LRRC37A2: variants seen among roughly 807,000 people sequenced by gnomAD.
The protein encoded by LRRC37A2 is leucine rich repeat containing 37 member A2.
A neutral mutation model predicts 68.8 loss-of-function variants in LRRC37A2; 9 were observed. That is an observed-to-expected ratio of 0.13 (90% confidence interval 0.08 to 0.23). LRRC37A2 has a LOEUF of 0.23. LRRC37A2 is among the 10% of genes least tolerant of loss of function. LRRC37A2 has a pLI of 1.00. For missense variants in LRRC37A2, 168 were observed against 950.4 expected (o/e 0.18, Z 10.82); for synonymous variants, 63 against 367.6 (o/e 0.17, Z 9.48).
the LRRC37A2 span, among the ~76,000 whole-genome samples, chr17:46,820,670 C>A: frequency 6.6e-6 from 1 of 152,130 alleles, no homozygotes; most frequent in African/African-American, 2.4e-5. Context: ...GAATGCAGAG[C>A]CTCAGGACCA....
chr17:46,877,599 G>C, the LRRC37A2 span, among the ~76,000 whole-genome samples: 3 of 152,136 alleles, frequency 2.0e-5, no homozygotes, highest in Non-Finnish European at 4.4e-5. Flanking sequence ...CAGCGCAGAG[G>C]AGGAGGGCAA....
chr17:46,871,732 T>A, the LRRC37A2 span, among the ~76,000 whole-genome samples: 1 of 152,160 alleles, frequency 6.6e-6, no homozygotes, highest in Non-Finnish European at 1.5e-5. Context: ...GGCTCCAGAA[T>A]CGATGAACTT....
the LRRC37A2 span, among the ~76,000 whole-genome samples, chr17:46,746,644 A>G: frequency 6.6e-6 from 1 of 152,144 alleles, no homozygotes; most frequent in Non-Finnish European, 1.5e-5. Flanking sequence ...TCATTTTCCA[A>G]GTAAACTTTT....
At chr17:46,891,323 C>T in the LRRC37A2 span, among the ~76,000 whole-genome samples, 5,287 of 152,312 alleles carry the variant, frequency 0.035, 108 homozygotes, top group Middle Eastern at 0.065. Flanking sequence ...TATCATCCCT[C>T]TTTTGCAGAT....
At chr17:46,475,740 C>T in the LRRC37A2 span, among the ~76,000 whole-genome samples, 67 of 80,952 alleles carry the variant, frequency 8.3e-4, 5 homozygotes, top group East Asian at 8.3e-3. Flanking sequence ...CGTTTCAGAT[C>T]CTACATCACT....
At chr17:47,009,840 G>A in the LRRC37A2 span, among the ~76,000 whole-genome samples, 1 of 152,228 alleles carries the variant, frequency 6.6e-6, no homozygotes, top group Non-Finnish European at 1.5e-5. Flanking sequence ...GCGCTGTTTC[G>A]GAGGGAAGAG....
the LRRC37A2 span, among the ~76,000 whole-genome samples, chr17:46,657,689 C>T: frequency 9.0e-6 from 1 of 111,058 alleles, no homozygotes; most frequent in Non-Finnish European, 1.9e-5. Flanking sequence ...CCTCATAGCC[C>T]TTTTTAAATG....
At chr17:46,794,422 G>T in the LRRC37A2 span, among the ~76,000 whole-genome samples, 5 of 152,126 alleles carry the variant, frequency 3.3e-5, no homozygotes, top group Admixed American at 2.6e-4. Flanking sequence ...GAGCTAGAAG[G>T]AGCCTTGGGG....
chr17:46,534,515 T>C (rs1205060189), intron 6 of LRRC37A2, among the ~76,000 whole-genome samples: 1 of 147,794 alleles, frequency 6.8e-6, no homozygotes, highest in Non-Finnish European at 1.5e-5. Context: ...GGGTTGGGGG[T>C]AAGGTCATAG....
the LRRC37A2 span, chr17:47,021,906 G>A: frequency 6.6e-7 from 1 of 1,522,248 alleles, no homozygotes; most frequent in Non-Finnish European, 9.1e-7. Context: ...AAAGTGTACA[G>A]TTGGACCGAG....
the LRRC37A2 span, among the ~76,000 whole-genome samples, chr17:46,893,669 A>G: frequency 6.6e-6 from 1 of 152,146 alleles, no homozygotes; most frequent in African/African-American, 2.4e-5. Flanking sequence ...GGGAGATGTA[A>G]GAACAGCCAT....
At chr17:46,909,097 G>A in the LRRC37A2 span, among the ~76,000 whole-genome samples, 1 of 152,314 alleles carries the variant, frequency 6.6e-6, no homozygotes, top group South Asian at 2.1e-4. Flanking sequence ...TGTCACCCAG[G>A]CTGGAGTGCA....
chr17:46,811,995 CA>C, the LRRC37A2 span, among the ~76,000 whole-genome samples: 1 of 152,122 alleles, frequency 6.6e-6, no homozygotes, highest in Non-Finnish European at 1.5e-5. Flanking sequence ...CAACTCTGCC[CA>C]GGTGCCTTAG....
At chr17:46,894,666 C>A in the LRRC37A2 span, among the ~76,000 whole-genome samples, 5 of 152,324 alleles carry the variant, frequency 3.3e-5, no homozygotes, top group South Asian at 6.2e-4. Flanking sequence ...GCCACCAGGT[C>A]TCCGTGGGGC....
the LRRC37A2 span, chr17:47,024,794 C>A: frequency 2.8e-6 from 2 of 705,054 alleles, no homozygotes; most frequent in South Asian, 1.6e-5. Flanking sequence ...GTCATATTAT[C>A]TGTACAATGA....
the LRRC37A2 span, among the ~76,000 whole-genome samples, chr17:47,013,237 G>A: frequency 6.6e-6 from 1 of 152,182 alleles, no homozygotes; most frequent in African/African-American, 2.4e-5. Context: ...ATGGGGTTTT[G>A]TTTTAGATTG....
chr17:47,017,252 C>T, the LRRC37A2 span: 2 of 1,611,578 alleles, frequency 1.2e-6, no homozygotes, highest in East Asian at 2.2e-5. Context: ...GTTTCTGGGG[C>T]CCATGGCCCC....
At chr17:46,769,952 C>G in the LRRC37A2 span, 1 of 1,613,102 alleles carries the variant, frequency 6.2e-7, no homozygotes, top group South Asian at 1.1e-5. Flanking sequence ...CGAGTCACAG[C>G]CGCAAATGGT....
the LRRC37A2 span, among the ~76,000 whole-genome samples, chr17:46,725,087 A>G: frequency 1.3e-5 from 2 of 152,338 alleles, no homozygotes; most frequent in South Asian, 2.1e-4. Flanking sequence ...AGGGCTTGCA[A>G]TCTAGTATAA....
Sources: gnomAD v4.1 joint callset for allele counts (sites outside exome capture counted in the v4.1 genomes callset) on GRCh38, gnomAD v4.1.1 for gene constraint, MANE v1.5 for transcripts, NCBI Gene and HGNC (gene_info 2026-07-23, HGNC 2026-07-21) for gene names.